Variants in PNPLA1 observed in about 807,000 individuals in gnomAD.
PNPLA1 encodes omega-hydroxyceramide transacylase.
In PNPLA1, 36 loss-of-function variants were observed where a neutral mutation model predicts 51.7. That is an observed-to-expected ratio of 0.70 (90% confidence interval 0.53 to 0.92). The LOEUF is 0.92. PNPLA1 is among the 40% of genes least tolerant of loss of function. The pLI is 0.00. For synonymous variants in PNPLA1, 293 were observed against 280.1 expected (o/e 1.05, Z -0.46); for missense variants, 658 against 682.5 (o/e 0.96, Z 0.40).
chr6:36,263,010 T>C (rs1769686229), intron 1 of PNPLA1, among the ~76,000 whole-genome samples: 1 of 152,350 alleles, frequency 6.6e-6, no homozygotes, highest in Admixed American at 6.5e-5. Context: ...GGTGCCAAAT[T>C]GCCCACCAAA....
At chr6:36,310,295 C>T (rs1423058345) in intron 8 of PNPLA1, among the ~76,000 whole-genome samples, 5 of 152,134 alleles carry the variant, frequency 3.3e-5, no homozygotes, top group African/African-American at 7.2e-5. Flanking sequence ...GGTGGGTGTA[C>T]GCATCAGCCT....
At chr6:36,285,844 A>G (rs1245950816) in intron 1 of PNPLA1, among the ~76,000 whole-genome samples, 6 of 151,850 alleles carry the variant, frequency 4.0e-5, no homozygotes. Flanking sequence ...CTTTCCCCCT[A>G]CTATATCTGT....
At chr6:36,283,152 A>G (rs1330345226) in intron 1 of PNPLA1, among the ~76,000 whole-genome samples, 1 of 152,194 alleles carries the variant, frequency 6.6e-6, no homozygotes, top group Non-Finnish European at 1.5e-5. Flanking sequence ...TAAGACATCA[A>G]TATTGGTACA....
chr6:36,287,755 AACACAC>A (rs57750301), intron 1 of PNPLA1, among the ~76,000 whole-genome samples: 47,600 of 148,152 alleles, frequency 0.32, 7,659 homozygotes, highest in Middle Eastern at 0.38. Context: ...GACAGACAGA[AACACAC>A]ACACACACAC....
Position 36,307,495 on chromosome 6 carries a change from G to A in PNPLA1, c.1470-92G>A, listed in dbSNP as rs547811178. ...CAGCCAGGGTTGAGAACCACAGCGC[G>A]GGTGTGTCCACCTGCGGAGCTGAGC... is the stretch of plus-strand genomic sequence containing the variant. On this transcript the variant is annotated intron_variant, in intron 7 of 8. Transcript: ENST00000636260. The A allele has an allele frequency of 8.4e-5, 120 of 1,434,166 alleles. No individual in the cohort carries two copies. In the African/African-American group the frequency reaches 1.3e-3, roughly 15 times the overall value. 88.8% of individuals were successfully genotyped at this position (1,434,166 alleles called of 1,614,324 possible).
chr6:36,263,144 AC>A (rs1315144059), intron 1 of PNPLA1, among the ~76,000 whole-genome samples: 1 of 152,226 alleles, frequency 6.6e-6, no homozygotes, highest in East Asian at 1.9e-4. Flanking sequence ...AACCATAAAC[AC>A]AAAAAAATAT....
At chr6:36,289,656 C>A (rs1770615987) in intron 1 of PNPLA1, among the ~76,000 whole-genome samples, 1 of 151,974 alleles carries the variant, frequency 6.6e-6, no homozygotes, top group Non-Finnish European at 1.5e-5. Context: ...GCTTGCTCAG[C>A]CTCTTCATTC....
At chr6:36,293,599 G>A (rs111721128) in intron 3 of PNPLA1, among the ~76,000 whole-genome samples, 92 of 152,322 alleles carry the variant, frequency 6.0e-4, no homozygotes, top group African/African-American at 2.2e-3. Context: ...CCAGCCTCAG[G>A]TGCTGCCCGT....
At chr6:36,255,524 A>G (rs1769514461) in intron 1 of PNPLA1, among the ~76,000 whole-genome samples, 1 of 151,348 alleles carries the variant, frequency 6.6e-6, no homozygotes, top group Non-Finnish European at 1.5e-5. Context: ...AAACAAAACA[A>G]AACAAAAACG....
Position 36,301,979 on chromosome 6 carries a change from A to T in PNPLA1, c.894A>T (p.Arg298=). The change falls in exon 6 of 9, where the codon CGA becomes CGT. Residue 298 remains arginine, a synonymous_variant. Coordinates refer to ENST00000636260, the MANE Select transcript of PNPLA1 (RefSeq NM_001374623.1). ...ECPERSQPSL[R]ARQASLEGAT... is the part of the protein sequence containing the mutation. ...CTGAACGCAGTCAACCAAGCCTTCGAGCACGGCAGGCCAGTCTGGAAGGAG... is the reference window on the plus strand; with the variant it reads ...CTGAACGCAGTCAACCAAGCCTTCGTGCACGGCAGGCCAGTCTGGAAGGAG... 1.2e-6 allele frequency: 2 copies of T among 1,614,210 alleles called. No individual in the cohort carries two copies. Among genetic ancestry groups the T allele is most frequent in the Non-Finnish European group, 1.7e-6 (2 of 1,180,034 alleles).
chr6:36,256,326 GA>G (rs34152288), intron 1 of PNPLA1, among the ~76,000 whole-genome samples: 4,496 of 140,054 alleles, frequency 0.032, 224 homozygotes, highest in African/African-American at 0.11. Context: ...ACCTGTCTTA[GA>G]AAAAAAAAAA....
chr6:36,245,234 G>A (rs777417174), intron 1 of PNPLA1, among the ~76,000 whole-genome samples: 2 of 152,118 alleles, frequency 1.3e-5, no homozygotes, highest in East Asian at 1.9e-4. Flanking sequence ...TTCAGTCCTC[G>A]GCTCCCAACT....
At position 36,301,906 on chromosome 6, in the gene PNPLA1, G is replaced by A. The variant is rs372573034; in HGVS notation, c.821G>A (p.Arg274Gln). 2.5e-5 allele frequency: 41 copies of A among 1,614,026 alleles called. No homozygotes were observed. The highest frequency in any genetic ancestry group is 4.5e-5 in the East Asian group (2 of 44,896). Residue 274 changes from arginine to glutamine, a missense_variant, in exon 6 of 9, where the codon CGG becomes CAG. Coordinates refer to ENST00000636260, the MANE Select transcript of PNPLA1 (RefSeq NM_001374623.1). ...TCCTCCAAGAGAGTGATTTTCCCCC[G>A]GGTGGAAGTGTACTGCCAGATAGAA... Reference protein sequence around the residue: ...NSSSKRVIFPRVEVYCQIELA... With the variant: ...NSSSKRVIFPQVEVYCQIELA...
At chr6:36,245,130 G>A (rs1769239884) in intron 1 of PNPLA1, among the ~76,000 whole-genome samples, 1 of 152,156 alleles carries the variant, frequency 6.6e-6, no homozygotes, top group African/African-American at 2.4e-5. Flanking sequence ...AAAAACCTGG[G>A]GTCAGCAGAA....
intron 5 of PNPLA1, among the ~76,000 whole-genome samples, chr6:36,300,166 T>TGC (rs1465120056): frequency 1.7e-3 from 133 of 77,998 alleles, no homozygotes; most frequent in Non-Finnish European, 3.1e-3. Context: ...TATTCTTGTG[T>TGC]GTGTGTGTGT....
At chr6:36,277,684 T>A (rs1770149066) in intron 1 of PNPLA1, among the ~76,000 whole-genome samples, 1 of 152,162 alleles carries the variant, frequency 6.6e-6, no homozygotes. Flanking sequence ...GGCAACAAAG[T>A]GAGACCCTGT....
At chr6:36,266,820 G>A (rs1052337306), upstream of PNPLA1, among the ~76,000 whole-genome samples, 9 of 152,184 alleles carry the variant, frequency 5.9e-5, no homozygotes, top group Non-Finnish European at 1.3e-4. Context: ...ACATCGTTTT[G>A]GCAAGAATAA....
intron 5 of PNPLA1, among the ~76,000 whole-genome samples, chr6:36,298,297 T>C (rs1656213645): frequency 6.6e-6 from 1 of 152,228 alleles, no homozygotes; most frequent in Non-Finnish European, 1.5e-5. Flanking sequence ...AAAGCTGCTA[T>C]GAACACTCAC....
In PNPLA1 at chr6:36,306,325, G is replaced by T. The variant is rs1222940562; in HGVS notation, c.1418G>T (p.Ser473Ile). Residue 473 changes from serine to isoleucine, a missense_variant, in exon 7 of 9, where the codon AGC (serine) becomes ATC (isoleucine). Ser to Ile is a moderately radical substitution (Grantham distance 142). Coordinates refer to ENST00000636260, the MANE Select transcript of PNPLA1 (RefSeq NM_001374623.1). ...CTTCTTGTCTCTTCAAAACCAAAAA[G>T]CGCCGTGCCTCTGGTTCATGTGAAG... ...VALLVSSKPK[S>I]AVPLVHVKET... 1 of 1,612,910 alleles carries T rather than the reference G, an allele frequency of 6.2e-7. No individual in the cohort carries two copies. Among genetic ancestry groups the T allele is most frequent in the East Asian group, 2.2e-5 (1 of 44,746 alleles).
Sources: gnomAD v4.1 joint callset for allele counts (sites outside exome capture counted in the v4.1 genomes callset) on GRCh38, gnomAD v4.1.1 for gene constraint, MANE v1.5 for transcripts, NCBI Gene and HGNC (gene_info 2026-07-23, HGNC 2026-07-21) for gene names.